The following SUPT3H variants were observed in gnomAD, a reference collection of about 807,000 sequenced individuals.
SUPT3H encodes transcription initiation protein SPT3 homolog.
A neutral mutation model predicts 44.3 loss-of-function variants in SUPT3H; 44 were observed. The ratio of observed to expected loss-of-function variants is 0.99; its 90% CI spans 0.78 to 1.28. SUPT3H has a LOEUF of 1.28. Among genes scored for constraint, SUPT3H ranks in the 50% most tolerant of loss-of-function variants. The pLI is 0.00. For missense variants in SUPT3H, 380 were observed against 387.1 expected (o/e 0.98, Z 0.15); for synonymous variants, 124 against 125.6 (o/e 0.99, Z 0.09).
At chr6:45,333,478 G>A (rs1787926148) in intron 2 of SUPT3H, among the ~76,000 whole-genome samples, 1 of 151,344 alleles carries the variant, frequency 6.6e-6, no homozygotes, top group Admixed American at 6.6e-5. Context: ...TATTTATTAA[G>A]GGCATAGGAC....
chr6:45,050,586 C>T (rs1002282059), intron 3 of SUPT3H, among the ~76,000 whole-genome samples: 3 of 152,004 alleles, frequency 2.0e-5, no homozygotes, highest in Admixed American at 6.6e-5. Flanking sequence ...GTCTCCACTG[C>T]AGTATTCAGT....
At chr6:45,156,748 A>AATAT (rs200535953) in intron 2 of SUPT3H, among the ~76,000 whole-genome samples, 11 of 150,988 alleles carry the variant, frequency 7.3e-5, no homozygotes, top group Non-Finnish European at 1.5e-4. Context: ...GTTTTCTCTT[A>AATAT]ATATATATAT....
At chr6:44,916,859 C>T (rs1305113835) in intron 10 of SUPT3H, among the ~76,000 whole-genome samples, 1 of 152,080 alleles carries the variant, frequency 6.6e-6, no homozygotes, top group African/African-American at 2.4e-5. Context: ...GGGGGCTAGG[C>T]ACAGAGGCTC....
intron 3 of SUPT3H, among the ~76,000 whole-genome samples, chr6:45,057,890 A>C (rs890833212): frequency 6.6e-6 from 1 of 152,124 alleles, no homozygotes; most frequent in African/African-American, 2.4e-5. Context: ...TAGGACAAAG[A>C]ATTGCTTAAG....
At chr6:44,811,669 A>G (rs1766535244) in intron 11 of SUPT3H, among the ~76,000 whole-genome samples, 1 of 152,226 alleles carries the variant, frequency 6.6e-6, no homozygotes, top group Non-Finnish European at 1.5e-5. Context: ...CTTCTACTCC[A>G]CATTCAGTTC....
At chr6:45,050,878 ATTTTTTTT>A (rs35575281) in intron 3 of SUPT3H, among the ~76,000 whole-genome samples, 4 of 86,162 alleles carry the variant, frequency 4.6e-5, no homozygotes, top group Non-Finnish European at 8.6e-5. Context: ...AGGGTATGGG[ATTTTTTTT>A]TTTTTTTTTT....
chr6:44,994,907 T>G (rs1433838789), intron 6 of SUPT3H, among the ~76,000 whole-genome samples: 6 of 151,818 alleles, frequency 4.0e-5, no homozygotes, highest in African/African-American at 1.5e-4. Flanking sequence ...TTTCCCTAGC[T>G]GCTTAATTTT....
intron 2 of SUPT3H, among the ~76,000 whole-genome samples, chr6:45,238,750 C>G (rs1285404920): frequency 1.3e-5 from 2 of 152,122 alleles, no homozygotes; most frequent in South Asian, 4.1e-4. Context: ...AATGGGAGAA[C>G]TTGGATTGTT....
intron 2 of SUPT3H, among the ~76,000 whole-genome samples, chr6:45,132,030 T>C (rs559327161): frequency 6.6e-6 from 1 of 152,342 alleles, no homozygotes; most frequent in South Asian, 2.1e-4. Context: ...ACTAATAATA[T>C]AATAGAACAA....
At chr6:44,837,289 T>G (rs1159580955) in intron 10 of SUPT3H, among the ~76,000 whole-genome samples, 1 of 152,242 alleles carries the variant, frequency 6.6e-6, no homozygotes, top group Non-Finnish European at 1.5e-5. Context: ...GGGAACTTAC[T>G]GTTCTGTTTA....
Position 44,817,140 on chromosome 6 carries a change from G to A in SUPT3H, c.*53-7639C>T, listed in dbSNP as rs1241622614. ...CACACACACACATGCCCACACACACGGAGGTTAATACATCATGACCGAATT... is the reference window on the plus strand; with the variant it reads ...CACACACACACATGCCCACACACACAGAGGTTAATACATCATGACCGAATT... On this transcript the variant is annotated intron_variant and NMD_transcript_variant, in intron 11 of 11. Transcript: ENST00000475057. 2.8e-5 allele frequency among the ~76,000 whole-genome samples: 4 copies of A among 142,696 alleles called. 1 individual carries two copies. In the South Asian group the frequency reaches 6.6e-4, roughly 24 times the overall value. 93.6% of individuals were successfully genotyped at this position (142,696 alleles called of 152,430 possible).
chr6:45,141,413 G>C (rs1583793088), intron 2 of SUPT3H, among the ~76,000 whole-genome samples: 1 of 128,758 alleles, frequency 7.8e-6, no homozygotes, highest in Non-Finnish European at 1.6e-5. Flanking sequence ...AGACACCAAA[G>C]AAAGGTGAAA....
chr6:44,972,815 C>G (rs35357222), intron 6 of SUPT3H, among the ~76,000 whole-genome samples: 51,562 of 151,866 alleles, frequency 0.34, 9,613 homozygotes, highest in Admixed American at 0.41. Flanking sequence ...CCTCTGAAGC[C>G]ACAACTCTTT....
In SUPT3H at chr6:45,294,763, A is replaced by G. The variant is rs71566528; in HGVS notation, c.101+70438T>C. 2.9e-3 allele frequency among the ~76,000 whole-genome samples: 273 copies of G among 94,946 alleles called. 5 individuals are homozygous for G. The highest frequency in any genetic ancestry group is 9.2e-3 in the African/African-American group (244 of 26,604). 62.3% of individuals were successfully genotyped at this position (94,946 alleles called of 152,430 possible). A position where few individuals can be genotyped will look rare whatever the true frequency, so the allele number is the denominator to read the frequency against. ...AAAAAAAAAAAAAAAAAAAAAAAAA[A>G]CAACTTAGGAATATACCTAACCAAG... is the stretch of plus-strand genomic sequence containing the variant. On this transcript the variant is annotated intron_variant, in intron 2 of 10. Coordinates refer to ENST00000371459, the MANE Select transcript of SUPT3H (RefSeq NM_003599.4).
intron 10 of SUPT3H, among the ~76,000 whole-genome samples, chr6:44,885,089 G>C (rs1318067108): frequency 2.6e-5 from 4 of 152,226 alleles, no homozygotes; most frequent in Non-Finnish European, 1.5e-5. Context: ...GCCCAGGCTT[G>C]CTTAGGTAAA....
intron 2 of SUPT3H, among the ~76,000 whole-genome samples, chr6:45,352,630 G>A (rs969637668): frequency 6.6e-6 from 1 of 152,062 alleles, no homozygotes; most frequent in Non-Finnish European, 1.5e-5. Flanking sequence ...GGACATCACT[G>A]TATTACAAGT....
At chr6:44,885,972 C>G (rs964114113) in intron 10 of SUPT3H, among the ~76,000 whole-genome samples, 5 of 151,884 alleles carry the variant, frequency 3.3e-5, no homozygotes, top group African/African-American at 2.4e-5. Flanking sequence ...GAAAAATGCA[C>G]AAGCCTCAGG....
intron 3 of SUPT3H, among the ~76,000 whole-genome samples, chr6:45,029,310 T>C (rs1199960251): frequency 2.0e-5 from 3 of 150,108 alleles, no homozygotes; most frequent in Non-Finnish European, 4.4e-5. Flanking sequence ...CATTCATATA[T>C]ACTATGTGTG....
intron 1 of SUPT3H, among the ~76,000 whole-genome samples, chr6:45,377,001 G>A (rs1395748281): frequency 6.6e-6 from 1 of 151,892 alleles, no homozygotes; most frequent in South Asian, 2.1e-4. Flanking sequence ...GTAATACTAC[G>A]TCCAGGATCG....
Sources: gnomAD v4.1 joint callset for allele counts (sites outside exome capture counted in the v4.1 genomes callset) on GRCh38, gnomAD v4.1.1 for gene constraint, MANE v1.5 for transcripts, NCBI Gene and HGNC (gene_info 2026-07-23, HGNC 2026-07-21) for gene names.